Variants in ATAD1 observed in about 807,000 individuals in gnomAD.
The protein encoded by ATAD1 is outer mitochondrial transmembrane helix translocase.
ATAD1 carries 18 observed loss-of-function variants against 42.7 expected under a neutral mutation model. The observed-to-expected ratio is 0.42, with a 90% CI of 0.29 to 0.63. The LOEUF (loss-of-function observed/expected upper bound fraction) is 0.63. Ranked by LOEUF, ATAD1 falls within the 20% of genes least tolerant of loss-of-function variation. The pLI, the probability that ATAD1 is intolerant of heterozygous loss-of-function variation, is 0.19. For synonymous variants in ATAD1, 132 were observed against 143.1 expected, an observed-to-expected ratio of 0.92 and a Z score of 0.55; for missense variants, 294 against 440.4, an observed-to-expected ratio of 0.67 and a Z score of 2.98.
chr10:87,788,748 G>A (rs1249526749), intron 4 of ATAD1, among the ~76,000 whole-genome samples: 3 of 152,140 alleles, frequency 2.0e-5, no homozygotes, highest in Non-Finnish European at 4.4e-5. Flanking sequence ...GTCCAATTGA[G>A]AACTAAAAAT....
At chr10:87,774,722 G>A (rs181768687) in intron 6 of ATAD1, among the ~76,000 whole-genome samples, 176 of 152,222 alleles carry the variant, frequency 1.2e-3, no homozygotes, top group Non-Finnish European at 1.9e-3. Flanking sequence ...AGGCCAAAGC[G>A]GGCAGACTGC....
chr10:87,775,168 C>T (rs1855234025), intron 6 of ATAD1, among the ~76,000 whole-genome samples: 1 of 151,712 alleles, frequency 6.6e-6, no homozygotes, highest in African/African-American at 2.4e-5. Context: ...TGCCTATAAT[C>T]CCAGCACTTC....
chr10:87,765,013 GACTT>G (rs1381977070), intron 8 of ATAD1, among the ~76,000 whole-genome samples: 5 of 151,932 alleles, frequency 3.3e-5, no homozygotes, highest in Non-Finnish European at 4.4e-5. Context: ...TGAAAATAAT[GACTT>G]ACTGTCAATT....
chr10:87,824,258 T>C (rs1043011202), intron 1 of ATAD1, among the ~76,000 whole-genome samples: 16 of 152,202 alleles, frequency 1.1e-4, no homozygotes, highest in Middle Eastern at 3.4e-3. Flanking sequence ...AGACAAGTGG[T>C]CCAAAGGTAT....
intron 1 of ATAD1, among the ~76,000 whole-genome samples, chr10:87,838,637 C>G (rs961193264): frequency 9.9e-5 from 15 of 151,912 alleles, no homozygotes; most frequent in Non-Finnish European, 2.1e-4. Flanking sequence ...AGCAATGAGG[C>G]CTTTGAGAGG....
chr10:87,783,303 T>C (rs1010004602), intron 5 of ATAD1, among the ~76,000 whole-genome samples: 1 of 151,654 alleles, frequency 6.6e-6, no homozygotes, highest in Non-Finnish European at 1.5e-5. Context: ...CCTGGGGAGG[T>C]TGAGGCTGCA....
Position 87,814,445 on chromosome 10 carries a change from T to G in ATAD1, c.155A>C (p.Gln52Pro). 6.3e-7 allele frequency: 1 copy of G among 1,591,322 alleles called. No individual in the cohort carries two copies. The highest frequency in any genetic ancestry group is 8.6e-7 in the Non-Finnish European group (1 of 1,169,466). ...CAAACATTTCAATCATACCTGTTTC[T>G]GAGCTTCTACTTTTTGCTTTCTGGT... The part of the protein sequence containing the change: ...DPTRKQKVEA[Q>P]KQAEKLMKQI... Residue 52 changes from glutamine to proline, a missense_variant, in exon 2 of 10, where the codon CAG (glutamine) becomes CCG (proline). By Grantham distance (76) the Gln-to-Pro change is moderately conservative. Transcript: ENST00000680024.
At chr10:87,805,455 G>C (rs533879060) in intron 2 of ATAD1, among the ~76,000 whole-genome samples, 2 of 152,230 alleles carry the variant, frequency 1.3e-5, no homozygotes, top group Middle Eastern at 6.8e-3. Context: ...CTTGAGAATA[G>C]TAACAAAACA....
Position 87,825,660 on chromosome 10 carries a change from G to A in ATAD1, c.-13-11048C>T, listed in dbSNP as rs1007761560. Among the ~76,000 whole-genome samples the A allele has an allele frequency of 9.3e-5, 14 of 151,022 alleles. No homozygotes were observed. The East Asian group carries it at 1.6e-3, about 17-fold the overall frequency. On this transcript the variant is annotated intron_variant, in intron 1 of 4. Transcript: ENST00000495903. ...CAGGGACAACCACAGCGTCAGAGCTGTTATTCTACATATAAAATTTAATTC... is the reference window on the plus strand; with the variant it reads ...CAGGGACAACCACAGCGTCAGAGCTATTATTCTACATATAAAATTTAATTC...
At chr10:87,820,081 A>G (rs919584299), upstream of ATAD1, among the ~76,000 whole-genome samples, 2 of 152,178 alleles carry the variant, frequency 1.3e-5, no homozygotes, top group Non-Finnish European at 2.9e-5. Flanking sequence ...GACGAGGACA[A>G]TGTTCATTAA....
intron 6 of ATAD1, among the ~76,000 whole-genome samples, chr10:87,771,271 C>T (rs1855016752): frequency 6.6e-6 from 1 of 152,072 alleles, no homozygotes; most frequent in Admixed American, 6.5e-5. Flanking sequence ...CACTTCATGT[C>T]TTTCTAGAAA....
Position 87,756,859 on chromosome 10 carries a change from G to C in ATAD1, c.895C>G (p.Leu299Val). Reference protein sequence around the residue: ...QETDGFSGSDLKEMCRDAALL... With the variant: ...QETDGFSGSDVKEMCRDAALL... ...GCAGCATCTCGACACATCTCTTTTA[G>C]GTCACTTCCTGAAAACCCATCAGTT... The change falls in exon 9 of 10, where the codon CTA (leucine) becomes GTA (valine). Residue 299 changes from leucine to valine, a missense_variant. Leu to Val is a conservative substitution (Grantham distance 32). Around this residue, in one of 3 missense-constraint regions of ATAD1, gnomAD observed 142 missense variants for 174.6 expected, o/e 0.81. Coordinates refer to ENST00000680024, the MANE Select transcript of ATAD1 (RefSeq NM_001321967.2). The C allele has an allele frequency of 1.2e-6, 2 of 1,612,186 alleles. No individual in the cohort carries two copies. Among genetic ancestry groups the C allele is most frequent in the Non-Finnish European group, 1.7e-6 (2 of 1,179,080 alleles).
Position 87,754,795 on chromosome 10 carries a change from A to G in ATAD1, c.978T>C (p.Asp326=). 6.2e-7 allele frequency: 1 copy of G among 1,612,970 alleles called. No individual in the cohort carries two copies. Among genetic ancestry groups the G allele is most frequent in the Non-Finnish European group, 8.5e-7 (1 of 1,179,232 alleles). The change falls in exon 10 of 10, where the codon GAT becomes GAC. Residue 326 remains aspartate (D), a synonymous_variant. Transcript: ENST00000680024. The part of the protein sequence containing the change: ...NSTSEESHDE[D]EIRPVQQQDL... ...CCTGCTGTTGAACAGGCCGAATTTC[A>G]TCTTCGTCATGGCTAAAATGCAAAC...
chr10:87,767,725 TA>T lies in ATAD1; in HGVS notation c.781-3del. 6.2e-7 allele frequency: 1 copy of T among 1,605,592 alleles called. No homozygotes were observed. The highest frequency in any genetic ancestry group is 8.5e-7 in the Non-Finnish European group (1 of 1,177,216). ...GATTGCTTCTCTCTGTTTTAAAGCCTAAAAGCAGGATAATTTCCAGTTAGCA... is the reference window on the plus strand; with the variant it reads ...GATTGCTTCTCTCTGTTTTAAAGCCTAAAGCAGGATAATTTCCAGTTAGCA... On this transcript the variant is annotated splice_region_variant and splice_polypyrimidine_tract_variant and intron_variant, in intron 7 of 9. Coordinates refer to ENST00000680024, the MANE Select transcript of ATAD1 (RefSeq NM_001321967.2).
chr10:87,757,286 A>AC (rs1491307427), intron 8 of ATAD1, among the ~76,000 whole-genome samples: 3 of 151,342 alleles, frequency 2.0e-5, no homozygotes, highest in South Asian at 2.1e-4. Context: ...AAAAAAAAAA[A>AC]ACAAAACACT....
intron 1 of ATAD1, among the ~76,000 whole-genome samples, chr10:87,817,526 T>C (rs1009970399): frequency 6.6e-6 from 1 of 152,224 alleles, no homozygotes; most frequent in Non-Finnish European, 1.5e-5. Flanking sequence ...TTTATTGACA[T>C]GTATAGCATT....
At chr10:87,776,526 T>C (rs773122404) in intron 5 of ATAD1, 99 bp from the exon 6 acceptor site, 10 of 910,924 alleles carry the variant, frequency 1.1e-5, no homozygotes, top group Non-Finnish European at 1.5e-5. Context: ...TGGGGTGCAA[T>C]GGCGCAATTA....
At chr10:87,785,598 T>C (rs1015470877) in intron 4 of ATAD1, among the ~76,000 whole-genome samples, 1 of 150,730 alleles carries the variant, frequency 6.6e-6, no homozygotes, top group Admixed American at 6.6e-5. Flanking sequence ...ATGCCATCTA[T>C]ATAGATGGCA....
At chr10:87,794,302 C>A (rs1173552163) in intron 2 of ATAD1, among the ~76,000 whole-genome samples, 2 of 152,188 alleles carry the variant, frequency 1.3e-5, no homozygotes, top group East Asian at 3.8e-4. Context: ...TGTAAAGTCA[C>A]TGAATCAATA....
Sources: allele counts gnomAD v4.1 joint callset (sites outside exome capture counted in the v4.1 genomes callset), GRCh38; gene constraint gnomAD v4.1.1; regional missense constraint gnomAD v4.1.1; transcripts MANE v1.5; gene names NCBI Gene and HGNC (gene_info 2026-07-23, HGNC 2026-07-21).